Variants in SBF2 observed in about 807,000 individuals in gnomAD.
SBF2 encodes SET binding factor 2.
A neutral mutation model predicts 225.2 loss-of-function variants in SBF2; 112 were observed. That is an observed-to-expected ratio of 0.50 (90% CI 0.43 to 0.58). SBF2 has a LOEUF of 0.58. Ranked by LOEUF, SBF2 falls within the 20% of genes least tolerant of loss-of-function variation. The probability of loss-of-function intolerance (pLI) is 0.00; values close to 1 mark genes in which losing one functional copy is unlikely to be tolerated. For missense variants in SBF2, 1,996 were observed against 2,206.2 expected (o/e 0.90, Z 1.91); for synonymous variants, 763 against 773.3 (o/e 0.99, Z 0.22).
intron 2 of SBF2, among the ~76,000 whole-genome samples, chr11:10,104,068 A>G (rs4635071): frequency 0.47 from 70,760 of 150,726 alleles, 16,917 homozygotes; most frequent in Admixed American, 0.56. Context: ...TCTGGGGCAA[A>G]AGAGTGAGAC....
At chr11:9,852,947 T>C (rs1229816634) in intron 20 of SBF2, among the ~76,000 whole-genome samples, 198 bp from the exon 21 acceptor site, 1 of 152,182 alleles carries the variant, frequency 6.6e-6, no homozygotes, top group Admixed American at 6.5e-5. Context: ...CAGATACTTA[T>C]ATGTGGATAT....
At chr11:10,127,899 G>A (rs909963900) in intron 2 of SBF2, among the ~76,000 whole-genome samples, 28 of 152,134 alleles carry the variant, frequency 1.8e-4, no homozygotes, top group African/African-American at 4.6e-4. Flanking sequence ...AGCAAGTAAC[G>A]AGGTTAGGCA....
At chr11:9,828,340 G>A (rs1855185934) in intron 28 of SBF2, 1 of 1,188,368 alleles carries the variant, frequency 8.4e-7, no homozygotes, top group African/African-American at 1.6e-5. Context: ...GTACTTTTAA[G>A]TACCCAAAGC....
At chr11:10,217,954 C>T (rs1333309440) in intron 1 of SBF2, among the ~76,000 whole-genome samples, 1 of 151,916 alleles carries the variant, frequency 6.6e-6, no homozygotes, top group East Asian at 1.9e-4. Flanking sequence ...GGCTGGAGTG[C>T]AGTGGCGCGA....
intron 2 of SBF2, among the ~76,000 whole-genome samples, chr11:10,150,046 A>C (rs1955100864): frequency 6.6e-6 from 1 of 152,170 alleles, no homozygotes; most frequent in South Asian, 2.1e-4. Context: ...TACGTCTAAC[A>C]GTATGCCACA....
At chr11:9,798,309 A>T in intron 32 of SBF2, among the ~76,000 whole-genome samples, 1 of 152,170 alleles carries the variant, frequency 6.6e-6, no homozygotes, top group Non-Finnish European at 1.5e-5. Context: ...CTGTAATGCC[A>T]TACAGAGCTC....
At chr11:10,236,481 A>G (rs746830268) in intron 1 of SBF2, among the ~76,000 whole-genome samples, 9 of 151,930 alleles carry the variant, frequency 5.9e-5, no homozygotes, top group Admixed American at 1.3e-4. Flanking sequence ...TTTTTTTGAG[A>G]CGGAGTCTCA....
chr11:10,148,391 T>C (rs1482120387), intron 2 of SBF2, among the ~76,000 whole-genome samples: 4 of 152,180 alleles, frequency 2.6e-5, no homozygotes, highest in African/African-American at 4.8e-5. Flanking sequence ...CATAGTCACA[T>C]AGCCTCCATA....
At chr11:9,850,307 A>C in intron 21 of SBF2, 89 bp from the exon 22 acceptor site, 1 of 1,176,856 alleles carries the variant, frequency 8.5e-7, no homozygotes, top group Non-Finnish European at 1.2e-6. Flanking sequence ...CCAGCCTAGA[A>C]TACAGTAGTG....
At chr11:9,899,193 G>A (rs1449155090) in intron 16 of SBF2, among the ~76,000 whole-genome samples, 1 of 151,920 alleles carries the variant, frequency 6.6e-6, no homozygotes, top group Admixed American at 6.6e-5. Flanking sequence ...GGAAAGGAGA[G>A]CAATAAAATA....
chr11:10,026,341 T>TA (rs1312722530), intron 6 of SBF2, among the ~76,000 whole-genome samples: 4 of 152,018 alleles, frequency 2.6e-5, no homozygotes, highest in African/African-American at 7.3e-5. Context: ...TTTTTTAAAG[T>TA]AAAAAAGGTC....
At chr11:9,795,102 A>G (rs1283972148) in intron 33 of SBF2, among the ~76,000 whole-genome samples, 1 of 152,206 alleles carries the variant, frequency 6.6e-6, no homozygotes, top group Non-Finnish European at 1.5e-5. Context: ...CGTAACAGTT[A>G]TAAAAGTAAG....
intron 28 of SBF2, among the ~76,000 whole-genome samples, 176 bp from the exon 29 acceptor site, chr11:9,817,200 T>C (rs1854500850): frequency 6.6e-6 from 1 of 152,214 alleles, no homozygotes; most frequent in South Asian, 2.1e-4. Context: ...TTATCCAATA[T>C]AGCATTTCAA....
intron 16 of SBF2, among the ~76,000 whole-genome samples, chr11:9,901,094 T>C (rs983572920): frequency 9.2e-5 from 14 of 152,294 alleles, no homozygotes; most frequent in African/African-American, 2.6e-4. Flanking sequence ...GTTTTCATAA[T>C]CTGAAAGGCA....
chr11:9,890,858 G>T (rs1302249376), intron 17 of SBF2, among the ~76,000 whole-genome samples: 1 of 152,210 alleles, frequency 6.6e-6, no homozygotes, highest in Non-Finnish European at 1.5e-5. Context: ...TGGCAGCCGG[G>T]TGTGGTGGCT....
At chr11:10,175,983 T>C (rs1956444612) in intron 2 of SBF2, among the ~76,000 whole-genome samples, 1 of 137,992 alleles carries the variant, frequency 7.2e-6, no homozygotes, top group East Asian at 2.1e-4. Context: ...AGACACAACA[T>C]ACCAGAATCT....
At chr11:9,976,670 T>G (rs1229712877) in intron 13 of SBF2, among the ~76,000 whole-genome samples, 1 of 152,178 alleles carries the variant, frequency 6.6e-6, no homozygotes, top group Non-Finnish European at 1.5e-5. Flanking sequence ...GCAAATATTT[T>G]TATACTATTG....
chr11:10,009,985 C>T (rs904885808), intron 6 of SBF2, among the ~76,000 whole-genome samples: 17 of 152,144 alleles, frequency 1.1e-4, no homozygotes, highest in African/African-American at 3.6e-4. Context: ...TTTTGATTTG[C>T]GTTTCTCTGA....
At chr11:10,059,887 A>C (rs183743368) in intron 2 of SBF2, among the ~76,000 whole-genome samples, 31 of 152,326 alleles carry the variant, frequency 2.0e-4, no homozygotes, top group Non-Finnish European at 2.4e-4. Context: ...AGCAGTGTTA[A>C]GAGAAGAATA....
Sources: allele counts gnomAD v4.1 joint callset (sites outside exome capture counted in the v4.1 genomes callset), GRCh38; gene constraint gnomAD v4.1.1; transcripts MANE v1.5; gene names NCBI Gene and HGNC (gene_info 2026-07-23, HGNC 2026-07-21).